Variants in TMEM135 observed in about 807,000 individuals in gnomAD.
TMEM135 encodes transmembrane protein 135, also known as peroxisomal membrane protein 52.
In TMEM135, 30 loss-of-function variants were observed where a neutral mutation model predicts 60.3. That is an observed-to-expected ratio of 0.50 (90% CI 0.37 to 0.68). The LOEUF (loss-of-function observed/expected upper bound fraction) is 0.68, where lower values mean the gene tolerates loss of function less well. Ranked by LOEUF, TMEM135 falls within the 30% of genes least tolerant of loss-of-function variation. The pLI is 0.00. For synonymous variants in TMEM135, 190 were observed against 186.7 expected (o/e 1.02, Z -0.14); for missense variants, 468 against 548.8 (o/e 0.85, Z 1.47).
In TMEM135 at chr11:87,037,941, AC is replaced by A. The variant is rs777450562; in HGVS notation, c.-103del. On this transcript the variant is annotated 5_prime_UTR_variant, in exon 1 of 15. Coordinates refer to ENST00000305494, the MANE Select transcript of TMEM135 (RefSeq NM_022918.4). ...TCGTGACCTTTCCCCTCCATTCCGCACCTCCGAGTGCTGGCCGGGCGAGAGG... is the reference window on the plus strand; with the variant it reads ...TCGTGACCTTTCCCCTCCATTCCGCACTCCGAGTGCTGGCCGGGCGAGAGG... 20 of 1,542,414 alleles carry A rather than the reference AC, an allele frequency of 1.3e-5. No individual in the cohort carries two copies. In the East Asian group the frequency reaches 3.6e-4, roughly 28 times the overall value.
chr11:87,200,705 A>G (rs1940074076), intron 5 of TMEM135, among the ~76,000 whole-genome samples: 1 of 152,216 alleles, frequency 6.6e-6, no homozygotes, highest in African/African-American at 2.4e-5. Flanking sequence ...AATGACATGT[A>G]TCTACCATTA....
chr11:87,211,550 C>T (rs1465063230), intron 5 of TMEM135, among the ~76,000 whole-genome samples: 1 of 152,080 alleles, frequency 6.6e-6, no homozygotes, highest in African/African-American at 2.4e-5. Context: ...CTCTTGAATT[C>T]GTGTACATTG....
At chr11:87,200,099 AAATTAT>A (rs1940060126) in intron 5 of TMEM135, among the ~76,000 whole-genome samples, 1 of 152,218 alleles carries the variant, frequency 6.6e-6, no homozygotes. Flanking sequence ...GCTCTCATTG[AAATTAT>A]AATTATTAGT....
At chr11:87,080,950 T>G (rs1250676700) in intron 3 of TMEM135, among the ~76,000 whole-genome samples, 2 of 152,118 alleles carry the variant, frequency 1.3e-5, no homozygotes, top group Non-Finnish European at 2.9e-5. Flanking sequence ...CCTCCCGAAG[T>G]GCTGGGATTA....
chr11:87,320,955 G>A (rs1483439412), intron 14 of TMEM135, among the ~76,000 whole-genome samples: 2 of 151,992 alleles, frequency 1.3e-5, no homozygotes, highest in South Asian at 2.1e-4. Context: ...TAATCTCTGC[G>A]GTTTCAGATC....
At chr11:87,196,645 T>C (rs1237228896) in intron 5 of TMEM135, among the ~76,000 whole-genome samples, 1 of 152,164 alleles carries the variant, frequency 6.6e-6, no homozygotes, top group East Asian at 1.9e-4. Context: ...CAGGAAGATC[T>C]TTTTGGAGTT....
intron 5 of TMEM135, among the ~76,000 whole-genome samples, chr11:87,230,030 C>A (rs1185475304): frequency 6.6e-6 from 1 of 151,984 alleles, no homozygotes; most frequent in Admixed American, 6.6e-5. Context: ...TCCAACCCTG[C>A]AATCTAATTT....
intron 5 of TMEM135, among the ~76,000 whole-genome samples, chr11:87,168,574 T>C (rs999244500): frequency 2.0e-5 from 3 of 152,216 alleles, no homozygotes; most frequent in African/African-American, 7.2e-5. Flanking sequence ...CGAGTAGTCA[T>C]ACAGGAGCAG....
intron 5 of TMEM135, among the ~76,000 whole-genome samples, chr11:87,198,868 C>T (rs679690): frequency 0.13 from 20,010 of 151,804 alleles, 1,371 homozygotes; most frequent in Non-Finnish European, 0.15. Flanking sequence ...ATAAATTCAG[C>T]AAACAAATAT....
chr11:87,079,101 G>A (rs1223449407), intron 3 of TMEM135, among the ~76,000 whole-genome samples: 1 of 152,090 alleles, frequency 6.6e-6, no homozygotes, highest in Admixed American at 6.6e-5. Context: ...CACCTGCCTG[G>A]TTCAAGCAAT....
intron 5 of TMEM135, among the ~76,000 whole-genome samples, chr11:87,216,143 G>T (rs545092031): frequency 6.6e-6 from 1 of 152,144 alleles, no homozygotes; most frequent in African/African-American, 2.4e-5. Context: ...ATAGGGTTTG[G>T]CATTATAAGT....
intron 4 of TMEM135, among the ~76,000 whole-genome samples, chr11:87,138,616 G>A (rs929804979): frequency 5.9e-5 from 9 of 152,140 alleles, no homozygotes; most frequent in African/African-American, 2.2e-4. Flanking sequence ...GGTGTAAGTG[G>A]CAGAGGTATA....
Position 87,247,704 on chromosome 11 carries a change from C to T in TMEM135, c.509+11020C>T, listed in dbSNP as rs1050612980. ...CTGGTGCGCCGTTTTTTAAGCCTGT[C>T]GGAAAAGCGCAGTATTAGGGTGGGA... On this transcript the variant is annotated intron_variant, in intron 6 of 14. Transcript: ENST00000305494. Among the ~76,000 whole-genome samples the T allele has an allele frequency of 9.2e-5, 14 of 152,270 alleles. No individual in the cohort carries two copies. In the East Asian group the frequency reaches 9.6e-4, roughly 10 times the overall value.
intron 5 of TMEM135, among the ~76,000 whole-genome samples, chr11:87,169,887 A>C (rs1421886382): frequency 6.6e-6 from 1 of 152,118 alleles, no homozygotes; most frequent in East Asian, 1.9e-4. Flanking sequence ...TAATATCCTG[A>C]AGAGTGTTTT....
intron 1 of TMEM135, among the ~76,000 whole-genome samples, chr11:87,066,126 G>C (rs1856646860): frequency 6.6e-6 from 1 of 152,174 alleles, no homozygotes; most frequent in African/African-American, 2.4e-5. Context: ...TTTCGGAAAA[G>C]TATTATCTCT....
At chr11:87,318,528 T>A (rs1243325675) in intron 13 of TMEM135, among the ~76,000 whole-genome samples, 2 of 152,070 alleles carry the variant, frequency 1.3e-5, no homozygotes, top group South Asian at 2.1e-4. Flanking sequence ...TGCCCCAATT[T>A]AATTATCCTT....
chr11:87,274,753 G>A (rs1941935309), intron 6 of TMEM135, among the ~76,000 whole-genome samples: 1 of 150,018 alleles, frequency 6.7e-6, no homozygotes, highest in Non-Finnish European at 1.5e-5. Context: ...TTGAGGCTAG[G>A]AGTTCAAAAC....
Position 87,321,837 on chromosome 11 carries a change from C to T in TMEM135, c.*504C>T, listed in dbSNP as rs149879606. On this transcript the variant is annotated 3_prime_UTR_variant, in exon 15 of 15. Coordinates refer to ENST00000305494, the MANE Select transcript of TMEM135 (RefSeq NM_022918.4). ...GTTATAGATTTGAAGTAACTCTCCA[C>T]GGACAGTGCTGCTTTCGTGTAGAGC... The T allele has an allele frequency of 1.2e-3, 525 of 454,406 alleles. No individual in the cohort carries two copies. Among genetic ancestry groups the T allele is most frequent in the Non-Finnish European group, 2.1e-3 (486 of 226,744 alleles). 28.1% of individuals were successfully genotyped at this position (454,406 alleles called of 1,614,324 possible).
intron 1 of TMEM135, among the ~76,000 whole-genome samples, chr11:87,066,934 C>A (rs1856675500): frequency 6.6e-6 from 1 of 151,218 alleles, no homozygotes; most frequent in Non-Finnish European, 1.5e-5. Context: ...GCGCCCACCA[C>A]CACGCCCGTC....
Sources: gnomAD v4.1 joint callset for allele counts (sites outside exome capture counted in the v4.1 genomes callset) on GRCh38, gnomAD v4.1.1 for gene constraint, MANE v1.5 for transcripts, NCBI Gene and HGNC (gene_info 2026-07-23, HGNC 2026-07-21) for gene names.